The following ENOX1 variants were observed in gnomAD, a reference collection of about 807,000 sequenced individuals.
The protein encoded by ENOX1 is ecto-NOX disulfide-thiol exchanger 1.
In ENOX1, 42 loss-of-function variants were observed where a neutral mutation model predicts 82.5. That is an observed-to-expected ratio of 0.51 (90% confidence interval 0.40 to 0.66). The LOEUF is 0.66. Ranked by LOEUF, ENOX1 falls within the 30% of genes least tolerant of loss-of-function variation. ENOX1 has a pLI of 0.00. For missense variants in ENOX1, 608 were observed against 811.6 expected, an observed-to-expected ratio of 0.75 and a Z score of 3.05; for synonymous variants, 271 against 282.2, an observed-to-expected ratio of 0.96 and a Z score of 0.40.
At chr13:43,422,706 G>C (rs181441119) in intron 3 of ENOX1, among the ~76,000 whole-genome samples, 1 of 152,082 alleles carries the variant, frequency 6.6e-6, no homozygotes. Flanking sequence ...AATTTGCCAA[G>C]GAGACAACTC....
At chr13:43,726,718 TTGTGTGTGTGTG>T (rs55918525) in intron 1 of ENOX1, among the ~76,000 whole-genome samples, 1 of 144,698 alleles carries the variant, frequency 6.9e-6, no homozygotes, top group Non-Finnish European at 1.5e-5. Flanking sequence ...GCATTGACTT[TTGTGTGTGTGTG>T]TGTGTGTGTG....
intron 12 of ENOX1, among the ~76,000 whole-genome samples, chr13:43,286,809 T>C (rs553627084): frequency 3.3e-5 from 5 of 152,370 alleles, no homozygotes; most frequent in African/African-American, 1.2e-4. Flanking sequence ...TACTTTCCTT[T>C]CGCAGGTTCT....
At chr13:43,572,924 T>C (rs955357241) in intron 2 of ENOX1, among the ~76,000 whole-genome samples, 2 of 152,214 alleles carry the variant, frequency 1.3e-5, no homozygotes, top group Non-Finnish European at 2.9e-5. Context: ...TTTAAAATCA[T>C]CTCCTCATAC....
intron 11 of ENOX1, among the ~76,000 whole-genome samples, chr13:43,305,410 G>C (rs2046803057): frequency 6.6e-6 from 1 of 152,168 alleles, no homozygotes; most frequent in African/African-American, 2.4e-5. Context: ...ATTAGGGAAA[G>C]CTAAACAGAA....
intron 1 of ENOX1, among the ~76,000 whole-genome samples, chr13:43,785,830 T>C (rs1952552593): frequency 1.3e-5 from 2 of 151,848 alleles, no homozygotes; most frequent in Admixed American, 6.6e-5. Context: ...GTCCAACCTA[T>C]GGGGTGGCTG....
chr13:43,566,001 G>A (rs756255191), intron 2 of ENOX1, among the ~76,000 whole-genome samples: 7 of 152,090 alleles, frequency 4.6e-5, no homozygotes, highest in Admixed American at 1.3e-4. Flanking sequence ...CTTGATCCTC[G>A]TAATCACCAT....
intron 2 of ENOX1, among the ~76,000 whole-genome samples, chr13:43,533,538 T>C (rs762286235): frequency 1.6e-4 from 24 of 152,168 alleles, no homozygotes; most frequent in Non-Finnish European, 2.5e-4. Context: ...TACCTCTGAG[T>C]CCATCACTGG....
At chr13:43,408,836 T>C (rs751671576) in intron 5 of ENOX1, among the ~76,000 whole-genome samples, 7 of 152,046 alleles carry the variant, frequency 4.6e-5, no homozygotes, top group Non-Finnish European at 8.8e-5. Flanking sequence ...ACTGGGGGCA[T>C]GGAAAATAGG....
intron 3 of ENOX1, among the ~76,000 whole-genome samples, chr13:43,472,213 A>C (rs927603908): frequency 2.0e-5 from 3 of 152,166 alleles, no homozygotes; most frequent in African/African-American, 7.2e-5. Flanking sequence ...TAAGCACTGA[A>C]TAAATGTTTT....
At chr13:43,565,300 G>A (rs2079870109) in intron 2 of ENOX1, among the ~76,000 whole-genome samples, 1 of 152,170 alleles carries the variant, frequency 6.6e-6, no homozygotes, top group South Asian at 2.1e-4. Context: ...GGGCAGTGAG[G>A]CTGGAGTCAA....
At chr13:43,620,331 T>C (rs927501390) in intron 2 of ENOX1, among the ~76,000 whole-genome samples, 13 of 152,142 alleles carry the variant, frequency 8.5e-5, no homozygotes, top group African/African-American at 2.9e-4. Flanking sequence ...CCTTAAAGTA[T>C]GACCTTAGAA....
chr13:43,330,170 T>A (rs1219909561), intron 9 of ENOX1, among the ~76,000 whole-genome samples: 1 of 152,224 alleles, frequency 6.6e-6, no homozygotes, highest in Non-Finnish European at 1.5e-5. Flanking sequence ...TAAAACCTGT[T>A]AAGAAGTTAC....
chr13:43,603,394 A>G (rs2081824081), intron 2 of ENOX1, among the ~76,000 whole-genome samples: 1 of 144,900 alleles, frequency 6.9e-6, no homozygotes, highest in Non-Finnish European at 1.5e-5. Context: ...TATTTATTTT[A>G]TTATTATTAT....
intron 1 of ENOX1, among the ~76,000 whole-genome samples, chr13:43,711,824 C>T (rs1268813008): frequency 6.7e-6 from 1 of 150,318 alleles, no homozygotes; most frequent in East Asian, 2.0e-4. Context: ...GATATTAGCC[C>T]TTTGTCAGAT....
chr13:43,698,897 C>G (rs2086775387), intron 1 of ENOX1, among the ~76,000 whole-genome samples: 1 of 152,084 alleles, frequency 6.6e-6, no homozygotes, highest in African/African-American at 2.4e-5. Context: ...AGCTTCCAGC[C>G]CATACACTAG....
At chr13:43,560,099 T>C (rs1015469895) in intron 2 of ENOX1, among the ~76,000 whole-genome samples, 12 of 152,168 alleles carry the variant, frequency 7.9e-5, no homozygotes, top group African/African-American at 2.7e-4. Flanking sequence ...AGGCCTAAAA[T>C]ATGGAAACAT....
At chr13:43,705,330 C>CTCTCTA (rs141765196) in intron 1 of ENOX1, among the ~76,000 whole-genome samples, 2,504 of 129,782 alleles carry the variant, frequency 0.019, 65 homozygotes, top group African/African-American at 0.058. Context: ...CTCTCTCTCT[C>CTCTCTA]TATATATATA....
At chr13:43,413,266 C>T (rs2054245014) in intron 3 of ENOX1, among the ~76,000 whole-genome samples, 1 of 152,202 alleles carries the variant, frequency 6.6e-6, no homozygotes, top group African/African-American at 2.4e-5. Context: ...GCCTTGCTTC[C>T]TACTGAAGCA....
intron 2 of ENOX1, among the ~76,000 whole-genome samples, chr13:43,656,902 C>A (rs1189476176): frequency 2.6e-5 from 4 of 152,124 alleles, no homozygotes; most frequent in African/African-American, 9.7e-5. Context: ...GGAAAATAAT[C>A]AAAGTTTCAA....
Sources: gnomAD v4.1 joint callset for allele counts (sites outside exome capture counted in the v4.1 genomes callset) on GRCh38, gnomAD v4.1.1 for gene constraint, MANE v1.5 for transcripts, NCBI Gene and HGNC (gene_info 2026-07-23, HGNC 2026-07-21) for gene names.